The following SPATS1 variants were observed in gnomAD, a reference collection of about 807,000 sequenced individuals.
SPATS1 encodes the protein spermatogenesis-associated serine-rich protein 1.
In SPATS1, 23 loss-of-function variants were observed where a neutral mutation model predicts 33.6. That is an observed-to-expected ratio of 0.68 (90% CI 0.49 to 0.97). SPATS1 has a LOEUF of 0.97. Among genes scored for constraint, SPATS1 ranks in the 50% least tolerant of loss-of-function variants. The pLI is 0.00. For missense variants in SPATS1, 327 were observed against 361.0 expected (o/e 0.91, Z 0.76); for synonymous variants, 131 against 125.6 (o/e 1.04, Z -0.29).
chr6:44,370,241 T>TG, intron 7 of SPATS1, 128 bp downstream of exon 7: 2 of 767,648 alleles, frequency 2.6e-6, no homozygotes, highest in Non-Finnish European at 4.2e-6. Context: ...AGCAGGAGGG[T>TG]GGGGCAGTTT....
rs757215357 is a variant in SPATS1 at position 44,360,569 on chromosome 6, G to C, written c.411G>C (p.Thr137=). Residue 137 remains threonine, a splice_region_variant and synonymous_variant, in exon 4 of 9, where the codon ACG becomes ACC. Transcript: ENST00000674044. ...PEEFSLLKLQ[T]KDGHRPEWTF... ...AATTCAGCCTGCTTAAGTTGCAGAC[G>C]AGTAAGTCACAGACCCTCCTCCACA... 17 of 1,613,934 alleles carry C rather than the reference G, an allele frequency of 1.1e-5. No homozygotes were observed. In the Admixed American group the frequency reaches 1.3e-4, roughly 13 times the overall value.
intron 6 of SPATS1, among the ~76,000 whole-genome samples, chr6:44,368,940 T>A (rs547488052): frequency 9.8e-4 from 147 of 149,604 alleles, no homozygotes; most frequent in Non-Finnish European, 1.8e-3. Flanking sequence ...TCCGTCGCCC[T>A]GGCTGGAGTG....
chr6:44,370,914 G>A (rs1789565982), intron 7 of SPATS1, among the ~76,000 whole-genome samples: 1 of 151,324 alleles, frequency 6.6e-6, no homozygotes, highest in Admixed American at 6.6e-5. Flanking sequence ...CCTTTCATAT[G>A]CAAATATGTT....
At chr6:44,354,375 G>A (rs9381314) in intron 3 of SPATS1, among the ~76,000 whole-genome samples, 1,223 of 10,222 alleles carry the variant, frequency 0.12, 15 homozygotes, top group African/African-American at 0.24. Context: ...ATAAATAAAT[G>A]TCACTATAAT....
In SPATS1 at chr6:44,374,788, G is replaced by A. The variant is rs570081729; in HGVS notation, c.759-1570G>A. On this transcript the variant is annotated intron_variant, in intron 7 of 8. Coordinates refer to ENST00000674044, the MANE Select transcript of SPATS1 (RefSeq NM_001372081.1). The stretch of plus-strand genomic sequence containing the variant: ...TGTTTTTGTTCTAGTAGTTCTTTAC[G>A]CTAGTATCTTTATACATTGCTCTTA... Among the ~76,000 whole-genome samples, 29 of 152,150 alleles carry A rather than the reference G, an allele frequency of 1.9e-4. No homozygotes were observed. The South Asian group carries it at 5.8e-3, about 31-fold the overall frequency.
At chr6:44,343,025 G>A in intron 1 of SPATS1, 71 bp from the exon 2 acceptor site, 1 of 1,589,796 alleles carries the variant, frequency 6.3e-7, no homozygotes, top group Non-Finnish European at 8.6e-7. Flanking sequence ...TGTTTTGACT[G>A]ATACCTTTCT....
At chr6:44,368,037 T>A (rs1789353001) in intron 5 of SPATS1, among the ~76,000 whole-genome samples, 1 of 152,208 alleles carries the variant, frequency 6.6e-6, no homozygotes, top group South Asian at 2.1e-4. Context: ...GGATTCAAAG[T>A]GCACTAATGC....
At position 44,358,681 on chromosome 6, in the gene SPATS1, G is replaced by C. The variant is rs115356740; in HGVS notation, c.288-1765G>C. Among the ~76,000 whole-genome samples, 818 of 152,144 alleles carry C rather than the reference G, an allele frequency of 5.4e-3. 9 individuals carry two copies. Among genetic ancestry groups the C allele is most frequent in the African/African-American group, 0.018 (748 of 41,498 alleles). On this transcript the variant is annotated intron_variant, in intron 3 of 8. Transcript: ENST00000674044. ...TAGAACATTTTCATCACCACAAAAA[G>C]AAATCCATACCCTTTAGCAATCATC... is the stretch of plus-strand genomic sequence containing the variant.
chr6:44,370,223 T>G, intron 7 of SPATS1, 110 bp downstream of exon 7: 6 of 993,650 alleles, frequency 6.0e-6, no homozygotes, highest in Non-Finnish European at 9.2e-6. Flanking sequence ...AGGGCCCTTT[T>G]GAATCCCAGC....
At chr6:44,361,032 T>C (rs1036726984) in intron 4 of SPATS1, among the ~76,000 whole-genome samples, 4 of 152,262 alleles carry the variant, frequency 2.6e-5, no homozygotes, top group South Asian at 2.1e-4. Context: ...ATGGTTAATA[T>C]AGACATACCC....
At chr6:44,346,148 G>A (rs535952147) in intron 2 of SPATS1, among the ~76,000 whole-genome samples, 2 of 151,948 alleles carry the variant, frequency 1.3e-5, no homozygotes, top group African/African-American at 4.8e-5. Context: ...AAAAATAGCT[G>A]GACATGCTGG....
At chr6:44,349,288 C>CG (rs1554152131) in intron 2 of SPATS1, among the ~76,000 whole-genome samples, 1 of 72,618 alleles carries the variant, frequency 1.4e-5, no homozygotes, top group African/African-American at 5.3e-5. Flanking sequence ...GACTCTGGCT[C>CG]AAAAAAAAAA....
chr6:44,358,672 C>T (rs1269192550), intron 3 of SPATS1, among the ~76,000 whole-genome samples: 3 of 152,256 alleles, frequency 2.0e-5, no homozygotes, highest in Non-Finnish European at 1.5e-5. Context: ...ATTTTCATCA[C>T]CACAAAAAGA....
At chr6:44,361,373 T>C in intron 4 of SPATS1, 2 of 985,418 alleles carry the variant, frequency 2.0e-6, no homozygotes, top group Non-Finnish European at 2.4e-6. Flanking sequence ...CCGTAGCACA[T>C]GCGCGTGCTA....
intron 5 of SPATS1, among the ~76,000 whole-genome samples, chr6:44,363,688 CTCCT>C (rs1329078519): frequency 1.8e-5 from 1 of 56,276 alleles, no homozygotes; most frequent in African/African-American, 6.0e-5. Flanking sequence ...CCCTCCTTCC[CTCCT>C]TCCTTCCTTC....
Position 44,360,491 on chromosome 6 carries a change from T to C in SPATS1, c.333T>C (p.Asp111=), listed in dbSNP as rs1374767874. 6.2e-7 allele frequency: 1 copy of C among 1,614,184 alleles called. No homozygotes were observed. The highest frequency in any genetic ancestry group is 8.5e-7 in the Non-Finnish European group (1 of 1,180,026). The change falls in exon 4 of 9, where the codon GAT becomes GAC. Residue 111 remains aspartate, a synonymous_variant. Transcript: ENST00000674044. ...LDRKLSFSHS[D]HSSEMSLPEV... ...GGAAACTCTCCTTCTCACATTCTGA[T>C]CACTCCTCTGAAATGTCGTTGCCTG...
At chr6:44,357,413 G>A (rs1005894023) in intron 3 of SPATS1, among the ~76,000 whole-genome samples, 7 of 151,858 alleles carry the variant, frequency 4.6e-5, no homozygotes, top group Admixed American at 2.6e-4. Flanking sequence ...ATAGAGTTTC[G>A]CTCCTGTTGT....
At position 44,374,716 on chromosome 6, in the gene SPATS1, T is replaced by C. The variant is rs77057957; in HGVS notation, c.759-1642T>C. On this transcript the variant is annotated intron_variant, in intron 7 of 8. Transcript: ENST00000674044. The stretch of plus-strand genomic sequence containing the variant: ...GTGAGTCTTTCAGTGTTTGATTGTT[T>C]CAACAAAGGCTGAAAAATGCTTTCT... Among the ~76,000 whole-genome samples the C allele has an allele frequency of 6.8e-3, 1,034 of 152,378 alleles. 84 individuals are homozygous for C. In the East Asian group the frequency reaches 0.16, roughly 24 times the overall value.
At chr6:44,362,978 A>G (rs540820183) in intron 5 of SPATS1, among the ~76,000 whole-genome samples, 2 of 152,004 alleles carry the variant, frequency 1.3e-5, no homozygotes, top group South Asian at 4.1e-4. Flanking sequence ...AGATGGGATT[A>G]TAGGCATGCA....
Sources: gnomAD v4.1 joint callset for allele counts (sites outside exome capture counted in the v4.1 genomes callset) on GRCh38, gnomAD v4.1.1 for gene constraint, MANE v1.5 for transcripts, NCBI Gene and HGNC (gene_info 2026-07-23, HGNC 2026-07-21) for gene names.